The following DOCK3 variants were observed in gnomAD, a reference collection of about 807,000 sequenced individuals.
DOCK3 encodes the protein dedicator of cytokinesis protein 3.
A neutral mutation model predicts 265.6 loss-of-function variants in DOCK3; 60 were observed. The ratio of observed to expected loss-of-function variants is 0.23; its 90% CI spans 0.18 to 0.28. The LOEUF is 0.28. DOCK3 is among the 10% of genes least tolerant of loss of function. DOCK3 has a pLI of 1.00. For synonymous variants in DOCK3, 881 were observed against 938.0 expected (o/e 0.94, Z 1.11); for missense variants, 1,981 against 2,594.3 (o/e 0.76, Z 5.14).
At chr3:51,082,346 T>C (rs2082272093) in intron 7 of DOCK3, among the ~76,000 whole-genome samples, 2 of 152,034 alleles carry the variant, frequency 1.3e-5, no homozygotes, top group Non-Finnish European at 2.9e-5. Context: ...CCTATGTCCA[T>C]TCAGAGGGCT....
At chr3:50,724,402 T>C (rs568669034) in intron 1 of DOCK3, among the ~76,000 whole-genome samples, 1 of 152,330 alleles carries the variant, frequency 6.6e-6, no homozygotes, top group South Asian at 2.1e-4. Context: ...GTATGTTTAT[T>C]GCAGCACTTT....
chr3:51,294,677 CAAAAAAAAAAAAAA>C (rs59339067), intron 27 of DOCK3, among the ~76,000 whole-genome samples: 146 of 119,848 alleles, frequency 1.2e-3, no homozygotes, highest in Non-Finnish European at 1.2e-3. Context: ...GACTCTATCT[CAAAAAAAAAAAAAA>C]AAAAAAAAAA....
intron 3 of DOCK3, among the ~76,000 whole-genome samples, chr3:50,865,595 C>T (rs1473671587): frequency 1.3e-5 from 2 of 152,158 alleles, no homozygotes; most frequent in African/African-American, 4.8e-5. Flanking sequence ...CTGTTGTTAA[C>T]AGTGCTGCAA....
At chr3:50,778,965 T>A (rs1421216684) in intron 2 of DOCK3, among the ~76,000 whole-genome samples, 1 of 152,338 alleles carries the variant, frequency 6.6e-6, no homozygotes, top group South Asian at 2.1e-4. Context: ...AACAATTAGA[T>A]AATTAATTTC....
At chr3:50,978,580 G>A (rs1245560918) in intron 5 of DOCK3, among the ~76,000 whole-genome samples, 1 of 152,150 alleles carries the variant, frequency 6.6e-6, no homozygotes, top group Non-Finnish European at 1.5e-5. Flanking sequence ...AGTCTGCAGA[G>A]GTTACTGCTG....
chr3:51,179,056 A>G (rs1383030812), intron 12 of DOCK3, among the ~76,000 whole-genome samples: 3 of 152,212 alleles, frequency 2.0e-5, no homozygotes, highest in Admixed American at 6.5e-5. Context: ...ATAGTCAAAG[A>G]GAGTAGTATT....
At chr3:50,883,763 ATAACGTT>A (rs1390246743) in intron 3 of DOCK3, among the ~76,000 whole-genome samples, 2 of 152,174 alleles carry the variant, frequency 1.3e-5, no homozygotes, top group African/African-American at 4.8e-5. Flanking sequence ...TAAAATACAC[ATAACGTT>A]TACCATGAGT....
intron 1 of DOCK3, among the ~76,000 whole-genome samples, chr3:50,739,066 G>T (rs4485709): frequency 0.76 from 114,432 of 151,040 alleles, 44,372 homozygotes; most frequent in Middle Eastern, 0.88. Flanking sequence ...TTGAGTTTTT[G>T]GGGGGGGGTT....
At chr3:50,943,481 A>G (rs1438934392) in intron 5 of DOCK3, among the ~76,000 whole-genome samples, 1 of 152,152 alleles carries the variant, frequency 6.6e-6, no homozygotes, top group South Asian at 2.1e-4. Flanking sequence ...TTTTACCTGT[A>G]TTCTGAAAAC....
chr3:50,855,572 T>G (rs2046550265), intron 3 of DOCK3, among the ~76,000 whole-genome samples: 1 of 152,220 alleles, frequency 6.6e-6, no homozygotes, highest in Non-Finnish European at 1.5e-5. Context: ...GAGGAATCTT[T>G]AGAATATTTT....
Position 51,270,840 on chromosome 3 carries a change from C to A in DOCK3, c.2381C>A (p.Thr794Asn). Residue 794 changes from threonine (T) to asparagine (N), a missense_variant, in exon 24 of 53, where the codon ACC becomes AAC. Coordinates refer to ENST00000266037, the MANE Select transcript of DOCK3 (RefSeq NM_004947.5). ...GCTGCACTCCTCAATTCTTTCCCAA[C>A]CATCTTTGATGAGCTTCTGCAAATG... ...TQAALLNSFP[T>N]IFDELLQMFT... is the part of the protein sequence containing the mutation. 1 of 1,613,898 alleles carries A rather than the reference C, an allele frequency of 6.2e-7. No individual in the cohort carries two copies. Among genetic ancestry groups the A allele is most frequent in the Non-Finnish European group, 8.5e-7 (1 of 1,179,834 alleles).
chr3:51,309,963 G>T (rs1287702159), intron 27 of DOCK3, among the ~76,000 whole-genome samples: 1 of 152,222 alleles, frequency 6.6e-6, no homozygotes, highest in Non-Finnish European at 1.5e-5. Flanking sequence ...GGCTTTGTGG[G>T]TATAAAGTGG....
At chr3:51,202,203 C>T (rs1481926653) in intron 12 of DOCK3, among the ~76,000 whole-genome samples, 2 of 130,528 alleles carry the variant, frequency 1.5e-5, no homozygotes, top group Non-Finnish European at 3.2e-5. Flanking sequence ...CACAAAAAAC[C>T]CTTCAAAAAA....
intron 1 of DOCK3, among the ~76,000 whole-genome samples, chr3:50,700,994 G>C (rs780450602): frequency 5.9e-5 from 9 of 152,078 alleles, no homozygotes; most frequent in Non-Finnish European, 1.2e-4. Flanking sequence ...ATTCTAACTG[G>C]GGTGAGATAA....
chr3:51,038,019 T>A (rs576523974), intron 5 of DOCK3, among the ~76,000 whole-genome samples: 2 of 152,166 alleles, frequency 1.3e-5, no homozygotes, highest in Non-Finnish European at 2.9e-5. Context: ...TTGTAGGGTA[T>A]GTGCCTATTT....
rs201266504 is a variant in DOCK3, at chr3:51,323,082, GC to G, written c.3403-7055del. Among the ~76,000 whole-genome samples, 990 of 152,072 alleles carry G rather than the reference GC, an allele frequency of 6.5e-3. 11 individuals are homozygous for G. The highest frequency in any genetic ancestry group is 0.023 in the African/African-American group (949 of 41,520). Reference sequence around the variant, plus strand: ...ATTACATAATGGTAAAGAGATCAATGCAACAAGAAGCACTAAGAGACAAATA... The same window carrying G: ...ATTACATAATGGTAAAGAGATCAATGAACAAGAAGCACTAAGAGACAAATA... On this transcript the variant is annotated intron_variant, in intron 32 of 52. Transcript: ENST00000266037.
chr3:51,098,992 C>T (rs1186339202), intron 9 of DOCK3, among the ~76,000 whole-genome samples: 7 of 152,180 alleles, frequency 4.6e-5, no homozygotes, highest in Non-Finnish European at 8.8e-5. Flanking sequence ...GATTTCTGTG[C>T]CCTATGGATG....
intron 5 of DOCK3, among the ~76,000 whole-genome samples, chr3:51,011,268 G>C (rs1393853953): frequency 1.3e-5 from 2 of 151,950 alleles, no homozygotes; most frequent in African/African-American, 4.8e-5. Context: ...AATCAGACGT[G>C]TACCTGATTG....
intron 49 of DOCK3, among the ~76,000 whole-genome samples, chr3:51,372,690 C>T (rs2087783028): frequency 6.6e-6 from 1 of 152,198 alleles, no homozygotes; most frequent in South Asian, 2.1e-4. Context: ...TTTGATGTTA[C>T]TGAGTTGGTC....
Sources: allele counts gnomAD v4.1 joint callset (sites outside exome capture counted in the v4.1 genomes callset), GRCh38; gene constraint gnomAD v4.1.1; transcripts MANE v1.5; gene names NCBI Gene and HGNC (gene_info 2026-07-23, HGNC 2026-07-21).